BRCA2: variants seen among roughly 807,000 people sequenced by gnomAD.
The protein encoded by BRCA2 is BRCA2 DNA repair associated, also known as breast cancer type 2 susceptibility protein.
BRCA2 carries 203 observed loss-of-function variants against 276.7 expected under a neutral mutation model. That is an observed-to-expected ratio of 0.73 (90% CI 0.65 to 0.82). The LOEUF is 0.82. Among genes scored for constraint, BRCA2 ranks in the 40% least tolerant of loss-of-function variants. The probability of loss-of-function intolerance (pLI) is 0.00; values close to 1 mark genes in which losing one functional copy is unlikely to be tolerated. For missense variants in BRCA2, 3,920 were observed against 3,915.0 expected (o/e 1.00, Z -0.03); for synonymous variants, 1,289 against 1,338.4 (o/e 0.96, Z 0.81).
Position 32,337,983 on chromosome 13 carries a change from G to A in BRCA2, c.3628G>A (p.Asp1210Asn), listed in dbSNP as rs774392592. 3.1e-6 allele frequency: 5 copies of A among 1,613,568 alleles called. No homozygotes were observed. In the South Asian group the frequency reaches 4.4e-5, roughly 14 times the overall value. The change falls in exon 11 of 27, where the codon GAT becomes AAT. Residue 1210 changes from aspartate to asparagine, a missense_variant. Asp to Asn is a conservative substitution (Grantham distance 23). This residue lies in a region of BRCA2 where 3,263 missense variants were observed against 3,156.9 expected (regional missense o/e 1.03). Coordinates refer to ENST00000380152, the MANE Select transcript of BRCA2 (RefSeq NM_000059.4). ...CAAAAGTGCTTCTGGTTATTTAACA[G>A]ATGAAAATGAAGTGGGGTTTAGGGG... ...CNKSASGYLT[D>N]ENEVGFRGFY...
intron 24 of BRCA2, among the ~76,000 whole-genome samples, chr13:32,391,232 C>T (rs2072994794): frequency 6.6e-6 from 1 of 152,152 alleles, no homozygotes; most frequent in Non-Finnish European, 1.5e-5. Context: ...CCCTGGGAAA[C>T]AGACTTACAG....
chr13:32,390,321 G>A (rs1310086329), intron 24 of BRCA2, among the ~76,000 whole-genome samples: 2 of 152,120 alleles, frequency 1.3e-5, no homozygotes, highest in South Asian at 2.1e-4. Flanking sequence ...GCTGGGCGCA[G>A]TAGCTAATGC....
chr13:32,345,388 A>T (rs1266480612), intron 12 of BRCA2, among the ~76,000 whole-genome samples: 2 of 152,208 alleles, frequency 1.3e-5, no homozygotes, highest in South Asian at 2.1e-4. Flanking sequence ...TTTTACTAAT[A>T]AGACAGTTTT....
Position 32,336,961 on chromosome 13 carries a change from C to G in BRCA2, c.2606C>G (p.Ser869Ter), listed in dbSNP as rs80358523. ...CAAAAAAATCAAGAAGAAACTACTT[C>G]AATTTCAAAAATAACTGTCAATCCA... is the stretch of plus-strand genomic sequence containing the variant. ...VIQKNQEETT[S>*]ISKITVNPDS... The change falls in exon 11 of 27, where the codon TCA (serine) becomes TGA (stop). Residue 869 changes from serine (S) to a stop codon, truncating the protein, a stop_gained. Transcript: ENST00000380152. LOFTEE classifies it high-confidence loss of function. The G allele has an allele frequency of 2.5e-6, 4 of 1,584,106 alleles. No homozygotes were observed. Among genetic ancestry groups the G allele is most frequent in the Non-Finnish European group, 3.4e-6 (4 of 1,172,304 alleles).
chr13:32,394,636 A>G, intron 24 of BRCA2, 53 bp from the exon 25 acceptor site: 1 of 1,577,824 alleles, frequency 6.3e-7, no homozygotes, highest in South Asian at 1.1e-5. Flanking sequence ...TTGCATCTTA[A>G]AATTCATCTA....
chr13:32,384,335 C>A (rs1466039607), intron 24 of BRCA2, among the ~76,000 whole-genome samples: 1 of 152,096 alleles, frequency 6.6e-6, no homozygotes, highest in African/African-American at 2.4e-5. Flanking sequence ...TTACTGAGTT[C>A]CAGAGGCCCC....
chr13:32,351,077 A>C (rs998148503), intron 13 of BRCA2, among the ~76,000 whole-genome samples: 4 of 152,236 alleles, frequency 2.6e-5, no homozygotes, highest in Non-Finnish European at 5.9e-5. Context: ...GGGCCAAATA[A>C]GGGAATAAAA....
rs80358423 is a variant in BRCA2, at chr13:32,332,821, G to A, written c.1343G>A (p.Arg448His). 15 of 1,611,124 alleles carry A rather than the reference G, an allele frequency of 9.3e-6. No individual in the cohort carries two copies. The highest frequency in any genetic ancestry group is 6.7e-5 in the East Asian group (3 of 44,872). The change falls in exon 10 of 27, where the codon CGT becomes CAT. Residue 448 changes from arginine to histidine, a missense_variant. Physicochemically the swap from Arg to His is conservative, Grantham distance 29. This residue lies in a region of BRCA2 where 3,263 missense variants were observed against 3,156.9 expected (regional missense o/e 1.03). Coordinates refer to ENST00000380152, the MANE Select transcript of BRCA2 (RefSeq NM_000059.4). ...CTTACTTCAGAGAATTCTTTGCCAC[G>A]TATTTCTAGCCTACCAAAATCAGAG... Reference protein sequence around the residue: ...DFLTSENSLPRISSLPKSEKP... With the variant: ...DFLTSENSLPHISSLPKSEKP...
intron 7 of BRCA2, 85 bp downstream of exon 7, chr13:32,326,698 T>C: frequency 1.9e-6 from 2 of 1,031,070 alleles, no homozygotes; most frequent in Non-Finnish European, 2.9e-6. Context: ...AAAGGAAATA[T>C]GAAAAGAAAA....
In BRCA2 at chr13:32,337,764, T is replaced by C. The variant is rs1054724641; in HGVS notation, c.3409T>C (p.Leu1137=). ...FTQFRKPSYI[L]QKSTFEVPEN... ...TCAGTTTAGAAAACCAAGCTACATA[T>C]TGCAGAAGAGTACATTTGAAGTGCC... Residue 1137 remains leucine, a synonymous_variant, in exon 11 of 27, where the codon TTG becomes CTG. Coordinates refer to ENST00000380152, the MANE Select transcript of BRCA2 (RefSeq NM_000059.4). 2 of 1,613,984 alleles carry C rather than the reference T, an allele frequency of 1.2e-6. No homozygotes were observed. Among genetic ancestry groups the C allele is most frequent in the Middle Eastern group, 1.6e-4 (1 of 6,062 alleles).
intron 20 of BRCA2, among the ~76,000 whole-genome samples, chr13:32,376,325 C>T (rs1358464798): frequency 6.6e-6 from 1 of 151,718 alleles, no homozygotes; most frequent in African/African-American, 2.4e-5. Context: ...AGTTTGAGAC[C>T]AGCCTGGCCA....
At position 32,339,908 on chromosome 13, in the gene BRCA2, C is replaced by G. The variant is rs573514896; in HGVS notation, c.5553C>G (p.Ile1851Met). ...PPAFRIASGK[I>M]VCVSHETIKK... Reference sequence around the variant, plus strand: ...CATTTAGGATAGCCAGTGGTAAAATCGTTTGTGTTTCACATGAAACAATTA... The same window carrying G: ...CATTTAGGATAGCCAGTGGTAAAATGGTTTGTGTTTCACATGAAACAATTA... Residue 1851 changes from isoleucine (I) to methionine (M), a missense_variant, in exon 11 of 27, where the codon ATC becomes ATG. Transcript: ENST00000380152. 3 of 1,608,146 alleles carry G rather than the reference C, an allele frequency of 1.9e-6. No individual in the cohort carries two copies. The highest frequency in any genetic ancestry group is 2.7e-5 in the African/African-American group (2 of 74,566).
chr13:32,339,358 C>G lies in BRCA2; in HGVS notation c.5003C>G (p.Ala1668Gly), dbSNP rs80358724. The change falls in exon 11 of 27, where the codon GCC becomes GGC. Residue 1668 changes from alanine (A) to glycine (G), a missense_variant. By Grantham distance (60) the Ala-to-Gly change is moderately conservative. Transcript: ENST00000380152. ...QSPYSVIENS[A>G]LAFYTSCSRK... ...CCTTATTCAGTCATTGAAAATTCAGCCTTAGCTTTTTACACAAGTTGTAGT... is the reference window on the plus strand; with the variant it reads ...CCTTATTCAGTCATTGAAAATTCAGGCTTAGCTTTTTACACAAGTTGTAGT... The G allele has an allele frequency of 6.3e-7, 1 of 1,590,330 alleles. No individual in the cohort carries two copies. Among genetic ancestry groups the G allele is most frequent in the South Asian group, 1.2e-5 (1 of 86,322 alleles).
At chr13:32,370,790 A>C (rs954249224) in intron 19 of BRCA2, among the ~76,000 whole-genome samples, 166 bp from the exon 20 acceptor site, 1 of 152,136 alleles carries the variant, frequency 6.6e-6, no homozygotes, top group Non-Finnish European at 1.5e-5. Flanking sequence ...AAGGGGTTTC[A>C]TCATGTTGGT....
chr13:32,324,160 G>A (rs911151190), intron 3 of BRCA2, among the ~76,000 whole-genome samples: 1 of 152,166 alleles, frequency 6.6e-6, no homozygotes, highest in Non-Finnish European at 1.5e-5. Flanking sequence ...CTAGTAGGGG[G>A]AAAAAGAACA....
In BRCA2 at chr13:32,360,774, G is replaced by A. The variant is rs11571717; in HGVS notation, c.7806-1749G>A. Among the ~76,000 whole-genome samples, 33,607 of 152,120 alleles carry A rather than the reference G, an allele frequency of 0.22. 3,824 individuals are homozygous for A. Among genetic ancestry groups the A allele is most frequent in the East Asian group, 0.4 (2,048 of 5,176 alleles). On this transcript the variant is annotated intron_variant, in intron 16 of 26. Transcript: ENST00000380152. ...AAATACATGTGAGAGGTGGTTGGTT[G>A]GACCAGGGAAGTGGCAGTGGAATTG...
At chr13:32,367,333 G>C (rs2072790167) in intron 18 of BRCA2, among the ~76,000 whole-genome samples, 1 of 152,036 alleles carries the variant, frequency 6.6e-6, no homozygotes, top group African/African-American at 2.4e-5. Flanking sequence ...CTATTTGGGA[G>C]GCTGAGGCAG....
At chr13:32,380,829 C>T (rs1034501452) in intron 24 of BRCA2, among the ~76,000 whole-genome samples, 8 of 151,874 alleles carry the variant, frequency 5.3e-5, no homozygotes, top group East Asian at 1.9e-4. Flanking sequence ...CGTGAGCCAC[C>T]GTGCCTGGCC....
In BRCA2 at chr13:32,356,596, G is replaced by A. The variant is rs786203482; in HGVS notation, c.7604G>A (p.Cys2535Tyr). 1 of 1,614,104 alleles carries A rather than the reference G, an allele frequency of 6.2e-7. No homozygotes were observed. Among genetic ancestry groups the A allele is most frequent in the Non-Finnish European group, 8.5e-7 (1 of 1,180,004 alleles). ...GTAGGAGGCCAAGTTCCCTCTGCGT[G>A]TTCTCATAAACAGGTATGTGTTTGT... Reference protein sequence around the residue: ...AAVGGQVPSACSHKQLYTYGV... With the variant: ...AAVGGQVPSAYSHKQLYTYGV... The change falls in exon 15 of 27, where the codon TGT (cysteine) becomes TAT (tyrosine). Residue 2535 changes from cysteine (C) to tyrosine (Y), a missense_variant. By Grantham distance (194) the Cys-to-Tyr change is radical. Around this residue, in one of 2 missense-constraint regions of BRCA2, gnomAD observed 3,263 missense variants for 3,156.9 expected, o/e 1.03. Transcript: ENST00000380152.
Sources: gnomAD v4.1 joint callset for allele counts (sites outside exome capture counted in the v4.1 genomes callset) on GRCh38, gnomAD v4.1.1 for gene constraint, gnomAD v4.1.1 regional missense constraint, MANE v1.5 for transcripts, NCBI Gene and HGNC (gene_info 2026-07-23, HGNC 2026-07-21) for gene names.